MYO3B: variants seen among roughly 807,000 people sequenced by gnomAD.
MYO3B encodes the protein myosin IIIB.
Under a neutral mutation model 174.6 loss-of-function variants are expected in MYO3B, and 156 were observed. The ratio of observed to expected loss-of-function variants is 0.89; its 90% CI spans 0.78 to 1.02. MYO3B has a LOEUF of 1.02. Among genes scored for constraint, MYO3B ranks in the 50% least tolerant of loss-of-function variants. The pLI, the probability that MYO3B is intolerant of heterozygous loss-of-function variation, is 0.00. For missense variants in MYO3B, 1,632 were observed against 1,639.4 expected (o/e 1.00, Z 0.08); for synonymous variants, 563 against 569.1 (o/e 0.99, Z 0.15).
At chr2:170,594,545 A>C (rs532320574) in intron 32 of MYO3B, among the ~76,000 whole-genome samples, 14 of 150,668 alleles carry the variant, frequency 9.3e-5, no homozygotes, top group African/African-American at 3.2e-4. Context: ...CAAATTTTCT[A>C]ATAGCAAATA....
At chr2:170,370,633 A>G (rs1324727272) in intron 9 of MYO3B, among the ~76,000 whole-genome samples, 2 of 34,032 alleles carry the variant, frequency 5.9e-5, no homozygotes, top group South Asian at 1.9e-3. Flanking sequence ...CTACACACAC[A>G]CACACACACA....
At chr2:170,627,087 G>C (rs1398039060) in intron 32 of MYO3B, among the ~76,000 whole-genome samples, 2 of 152,018 alleles carry the variant, frequency 1.3e-5, no homozygotes, top group East Asian at 1.9e-4. Flanking sequence ...TCCTGAATTT[G>C]AATGTTGGCC....
At chr2:170,223,036 C>T (rs1264665281) in intron 6 of MYO3B, among the ~76,000 whole-genome samples, 3 of 152,162 alleles carry the variant, frequency 2.0e-5, no homozygotes, top group African/African-American at 7.2e-5. Flanking sequence ...GTGGTTCTTT[C>T]TGAAGGTACA....
At chr2:170,569,692 T>C (rs931113164) in intron 32 of MYO3B, among the ~76,000 whole-genome samples, 3 of 151,586 alleles carry the variant, frequency 2.0e-5, no homozygotes, top group African/African-American at 4.8e-5. Context: ...TGAAACCCCA[T>C]TTCTACTAAA....
At chr2:170,646,899 C>G (rs1290490776) in intron 32 of MYO3B, 1 of 1,356,766 alleles carries the variant, frequency 7.4e-7, no homozygotes, top group Admixed American at 1.9e-5. Context: ...TTCTCTGTCT[C>G]TCGCCTCAGC....
At chr2:170,263,200 C>T (rs538445154) in intron 7 of MYO3B, among the ~76,000 whole-genome samples, 11 of 152,254 alleles carry the variant, frequency 7.2e-5, no homozygotes, top group East Asian at 5.8e-4. Flanking sequence ...CTTGGCTAGA[C>T]GGTTTTTCTC....
At chr2:170,429,160 G>A (rs537659564) in intron 22 of MYO3B, among the ~76,000 whole-genome samples, 2 of 152,302 alleles carry the variant, frequency 1.3e-5, no homozygotes, top group African/African-American at 2.4e-5. Context: ...TCTAGGGAGG[G>A]ATTTTTTAAT....
intron 1 of MYO3B, among the ~76,000 whole-genome samples, chr2:170,194,620 G>GTT (rs2092577976): frequency 6.6e-6 from 1 of 152,062 alleles, no homozygotes; most frequent in African/African-American, 2.4e-5. Flanking sequence ...TTTGGTTTTG[G>GTT]TTTTGTGTGT....
chr2:170,376,616 T>C (rs2094295655), intron 9 of MYO3B, among the ~76,000 whole-genome samples: 1 of 151,994 alleles, frequency 6.6e-6, no homozygotes, highest in African/African-American at 2.4e-5. Flanking sequence ...TTTTTTTTTT[T>C]GCCTCTATCC....
At position 170,222,651 on chromosome 2, in the gene MYO3B, C is replaced by T. The variant is rs370916585; in HGVS notation, c.603+5256C>T. ...CACCAGTCCCGTCGGATTAGAGGCC[C>T]ACCCTACTCCAGTATGACCTCATCT... On this transcript the variant is annotated intron_variant, in intron 6 of 34. Transcript: ENST00000408978. Among the ~76,000 whole-genome samples the T allele has an allele frequency of 4.6e-5, 7 of 152,268 alleles. No individual in the cohort carries two copies. In the South Asian group the frequency reaches 1.2e-3, roughly 27 times the overall value.
At chr2:170,410,097 A>G (rs947593811) in intron 22 of MYO3B, among the ~76,000 whole-genome samples, 1 of 152,216 alleles carries the variant, frequency 6.6e-6, no homozygotes, top group African/African-American at 2.4e-5. Flanking sequence ...ACTTTGGAAA[A>G]GAATATGCTA....
intron 20 of MYO3B, among the ~76,000 whole-genome samples, chr2:170,404,892 T>A (rs150112511): frequency 2.0e-5 from 3 of 152,344 alleles, no homozygotes; most frequent in Non-Finnish European, 4.4e-5. Flanking sequence ...ATCTACAGGA[T>A]GAATATAGGG....
intron 30 of MYO3B, among the ~76,000 whole-genome samples, chr2:170,531,885 A>G (rs1689375290): frequency 1.3e-5 from 2 of 152,382 alleles, no homozygotes; most frequent in South Asian, 4.1e-4. Context: ...GAAAATCATC[A>G]TTTGGCAACT....
chr2:170,294,917 A>G (rs2093619811), intron 7 of MYO3B, among the ~76,000 whole-genome samples: 1 of 151,084 alleles, frequency 6.6e-6, no homozygotes, highest in African/African-American at 2.4e-5. Context: ...CTTCTGCTCA[A>G]TTTTTCTGAA....
intron 7 of MYO3B, among the ~76,000 whole-genome samples, chr2:170,256,603 C>T (rs2093306666): frequency 6.6e-6 from 1 of 151,830 alleles, no homozygotes; most frequent in Non-Finnish European, 1.5e-5. Flanking sequence ...AATTGATTTC[C>T]ACTAGCCTGC....
chr2:170,336,939 C>T (rs182745591), intron 8 of MYO3B, among the ~76,000 whole-genome samples: 2 of 151,766 alleles, frequency 1.3e-5, no homozygotes, highest in East Asian at 3.9e-4. Flanking sequence ...CTCAAAGACC[C>T]CTGCTAAGAA....
At position 170,443,985 on chromosome 2, in the gene MYO3B, G is replaced by C; in HGVS notation, c.2669G>C (p.Arg890Thr). The C allele has an allele frequency of 6.2e-7, 1 of 1,612,682 alleles. No individual in the cohort carries two copies. Among genetic ancestry groups the C allele is most frequent in the Non-Finnish European group, 8.5e-7 (1 of 1,179,020 alleles). ...LTKTGNLAQT[R>T]ARITVASSSL... ...TTCTCAGGTAATTTGGCCCAGACAA[G>C]AGCTAGGATAACAGTGGCCTCAAGT... The change falls in exon 23 of 35, where the codon AGA becomes ACA. Residue 890 changes from arginine (R) to threonine (T), a missense_variant. Transcript: ENST00000408978.
chr2:170,273,640 A>G (rs74609933), intron 7 of MYO3B, among the ~76,000 whole-genome samples: 21 of 152,136 alleles, frequency 1.4e-4, no homozygotes, highest in East Asian at 1.2e-3. Context: ...TTCATCTTCC[A>G]TATTCCCCTT....
In MYO3B at chr2:170,322,010, A is replaced by G. The variant is rs575886017; in HGVS notation, c.750-13375A>G. The stretch of plus-strand genomic sequence containing the variant: ...GTGCCTGTAATCCCAGGTACTCAGG[A>G]GGCTGAGGCAGGAGAATTGCTTGAA... On this transcript the variant is annotated intron_variant, in intron 7 of 34. Transcript: ENST00000408978. Among the ~76,000 whole-genome samples, 852 of 150,488 alleles carry G rather than the reference A, an allele frequency of 5.7e-3. 5 individuals are homozygous for G. Among genetic ancestry groups the G allele is most frequent in the Non-Finnish European group, 8.8e-3 (599 of 67,728 alleles).
Sources: gnomAD v4.1 joint callset for allele counts (sites outside exome capture counted in the v4.1 genomes callset) on GRCh38, gnomAD v4.1.1 for gene constraint, MANE v1.5 for transcripts, NCBI Gene and HGNC (gene_info 2026-07-23, HGNC 2026-07-21) for gene names.